Variants in NCOA1 observed in about 807,000 individuals in gnomAD.
NCOA1 encodes the protein nuclear receptor coactivator 1, also known as Hin-2 protein.
NCOA1 carries 35 observed loss-of-function variants against 150.9 expected under a neutral mutation model. The ratio of observed to expected loss-of-function variants is 0.23; its 90% CI spans 0.18 to 0.31. The LOEUF is 0.31. NCOA1 is among the 10% of genes least tolerant of loss of function. NCOA1 has a pLI of 1.00. For synonymous variants in NCOA1, 590 were observed against 630.0 expected (o/e 0.94, Z 0.95); for missense variants, 1,491 against 1,749.3 (o/e 0.85, Z 2.63).
chr2:24,746,521 A>G (rs1369200767), intron 19 of NCOA1, among the ~76,000 whole-genome samples: 1 of 152,190 alleles, frequency 6.6e-6, no homozygotes, highest in Non-Finnish European at 1.5e-5. Flanking sequence ...TAGTCTGGGC[A>G]ATAGAGCAAG....
chr2:24,572,692 TA>T (rs1188383574), intron 2 of NCOA1, among the ~76,000 whole-genome samples: 1 of 152,180 alleles, frequency 6.6e-6, no homozygotes, highest in Non-Finnish European at 1.5e-5. Context: ...CTATTTTACA[TA>T]GGAGTGTACT....
At chr2:24,623,803 C>T (rs1669281211) in intron 3 of NCOA1, among the ~76,000 whole-genome samples, 1 of 152,196 alleles carries the variant, frequency 6.6e-6, no homozygotes, top group African/African-American at 2.4e-5. Context: ...GTCTCTTCCT[C>T]CTCCTATAAG....
chr2:24,517,863 T>G (rs1213986971), intron 1 of NCOA1, among the ~76,000 whole-genome samples: 2 of 152,312 alleles, frequency 1.3e-5, no homozygotes, highest in East Asian at 3.9e-4. Flanking sequence ...GAATTTTAGT[T>G]AGTGAAATGA....
chr2:24,688,106 T>C (rs1306440893), intron 8 of NCOA1, among the ~76,000 whole-genome samples: 5 of 152,350 alleles, frequency 3.3e-5, no homozygotes, highest in South Asian at 4.1e-4. Context: ...ATGGCTGTTA[T>C]AGTATTCCAT....
chr2:24,748,184 C>T (rs547518126), intron 19 of NCOA1, among the ~76,000 whole-genome samples: 4 of 152,102 alleles, frequency 2.6e-5, no homozygotes, highest in Admixed American at 6.5e-5. Flanking sequence ...ATAGAGGAAG[C>T]GACAAGGAGA....
chr2:24,532,861 T>TA (rs1245374035), intron 1 of NCOA1, among the ~76,000 whole-genome samples: 8 of 152,328 alleles, frequency 5.3e-5, no homozygotes, highest in African/African-American at 1.9e-4. Flanking sequence ...TGTAGCCTTG[T>TA]AGTATAGTTG....
intron 15 of NCOA1, among the ~76,000 whole-genome samples, chr2:24,727,138 CAAAAAAAAAAAA>C (rs755486331): frequency 6.9e-5 from 3 of 43,280 alleles, no homozygotes; most frequent in Non-Finnish European, 1.4e-4. Context: ...AACTCTGTCT[CAAAAAAAAAAAA>C]AAAAAAAAAA....
chr2:24,610,245 T>C (rs1668562858), intron 3 of NCOA1, among the ~76,000 whole-genome samples: 1 of 150,200 alleles, frequency 6.7e-6, no homozygotes, highest in Non-Finnish European at 1.5e-5. Context: ...TGCCTCAGCC[T>C]CCCGAATAGC....
chr2:24,497,649 G>A (rs1188514520), intron 1 of NCOA1, among the ~76,000 whole-genome samples: 2 of 151,764 alleles, frequency 1.3e-5, no homozygotes, highest in Non-Finnish European at 2.9e-5. Flanking sequence ...TCCAGCCTGG[G>A]TGACAGAGCG....
chr2:24,656,087 CAAAAAAAAAAAA>C (rs58446937), intron 4 of NCOA1, among the ~76,000 whole-genome samples: 1 of 62,080 alleles, frequency 1.6e-5, no homozygotes, highest in Non-Finnish European at 3.6e-5. Context: ...GACTCCGTCT[CAAAAAAAAAAAA>C]AAAAAAAAAG....
intron 3 of NCOA1, among the ~76,000 whole-genome samples, chr2:24,622,975 GT>G (rs1038497412): frequency 6.6e-6 from 1 of 152,182 alleles, no homozygotes; most frequent in Non-Finnish European, 1.5e-5. Flanking sequence ...GTGGACACAT[GT>G]ACATATGTTC....
chr2:24,728,270 ATGTC>A, intron 15 of NCOA1, 34 bp from the exon 16 acceptor site: 1 of 1,556,766 alleles, frequency 6.4e-7, no homozygotes, highest in Non-Finnish European at 8.7e-7. Context: ...ATTATTTGCT[ATGTC>A]AGTCTGAAAC....
intron 13 of NCOA1, among the ~76,000 whole-genome samples, chr2:24,709,636 G>T (rs936721054): frequency 1.3e-5 from 2 of 152,100 alleles, no homozygotes; most frequent in African/African-American, 4.8e-5. Context: ...TTTTGATGAG[G>T]TGAAGTTCTT....
At chr2:24,509,064 C>T (rs1572362012) in intron 1 of NCOA1, among the ~76,000 whole-genome samples, 2 of 152,278 alleles carry the variant, frequency 1.3e-5, no homozygotes, top group South Asian at 2.1e-4. Flanking sequence ...CTTGGCTCCT[C>T]TGTGTAGGAG....
chr2:24,712,175 T>C (rs1375574028), intron 14 of NCOA1, among the ~76,000 whole-genome samples: 1 of 152,246 alleles, frequency 6.6e-6, no homozygotes, highest in Non-Finnish European at 1.5e-5. Context: ...GGAAGTACAT[T>C]TTTTGAACCT....
chr2:24,519,226 T>C (rs1217582712), intron 1 of NCOA1, among the ~76,000 whole-genome samples: 1 of 152,062 alleles, frequency 6.6e-6, no homozygotes, highest in East Asian at 1.9e-4. Flanking sequence ...AATTCAATCA[T>C]AAAAAGGAAT....
At position 24,674,123 on chromosome 2, in the gene NCOA1, A is replaced by ATGTGTGTGTG. The variant is rs146841550; in HGVS notation, c.354+680_354+689dup. Among the ~76,000 whole-genome samples, 1,448 of 145,570 alleles carry ATGTGTGTGTG rather than the reference A, an allele frequency of 9.9e-3. 13 individuals are homozygous for ATGTGTGTGTG. Among genetic ancestry groups the ATGTGTGTGTG allele is most frequent in the African/African-American group, 0.014 (566 of 39,902 alleles). On this transcript the variant is annotated intron_variant, in intron 7 of 22. Coordinates refer to ENST00000348332, the MANE Select transcript of NCOA1 (RefSeq NM_003743.5). ...TGAATGTTTAAAGACATATGTATGT[A>ATGTGTGTGTG]TGTGTGTGTGTGTGTGTGTGTGTGT...
At chr2:24,515,168 C>T (rs750142283) in intron 1 of NCOA1, among the ~76,000 whole-genome samples, 27 of 152,128 alleles carry the variant, frequency 1.8e-4, no homozygotes, top group Non-Finnish European at 3.5e-4. Flanking sequence ...TCCTAAATTA[C>T]TAAAGGTGCA....
rs578135470 is a variant in NCOA1 at position 24,768,204 on chromosome 2, T to A, written c.4156-17T>A. 2.5e-6 allele frequency: 4 copies of A among 1,611,632 alleles called. No homozygotes were observed. The South Asian group carries it at 4.4e-5, about 18-fold the overall frequency. On this transcript the variant is annotated splice_polypyrimidine_tract_variant and intron_variant, in intron 22 of 22. Transcript: ENST00000348332. ...GCAGACCCTTCTGTCTAAACACATC[T>A]TTTATTTGTGTTCCAGCAGGTGCAA... is the stretch of plus-strand genomic sequence containing the variant.
Sources: gnomAD v4.1 joint callset for allele counts (sites outside exome capture counted in the v4.1 genomes callset) on GRCh38, gnomAD v4.1.1 for gene constraint, MANE v1.5 for transcripts, NCBI Gene and HGNC (gene_info 2026-07-23, HGNC 2026-07-21) for gene names.